PARD3: variants seen among roughly 807,000 people sequenced by gnomAD.
PARD3 encodes par-3 family cell polarity regulator, also known as partitioning defective 3 homolog.
In PARD3, 75 loss-of-function variants were observed where a neutral mutation model predicts 155.4. That is an observed-to-expected ratio of 0.48 (90% confidence interval 0.40 to 0.58). The LOEUF (loss-of-function observed/expected upper bound fraction) is 0.58, where lower values mean the gene tolerates loss of function less well. PARD3 is among the 20% of genes least tolerant of loss of function. The pLI is 0.00. For missense variants in PARD3, 1,642 were observed against 1,721.7 expected, an observed-to-expected ratio of 0.95 and a Z score of 0.82; for synonymous variants, 576 against 610.5, an observed-to-expected ratio of 0.94 and a Z score of 0.83.
At chr10:34,635,942 C>A (rs2092452278) in intron 2 of PARD3, among the ~76,000 whole-genome samples, 1 of 151,896 alleles carries the variant, frequency 6.6e-6, no homozygotes, top group South Asian at 2.1e-4. Context: ...AGAGCCTGGA[C>A]ACCTCCCACC....
At chr10:34,473,970 T>C (rs2133114129) in intron 3 of PARD3, among the ~76,000 whole-genome samples, 1 of 152,318 alleles carries the variant, frequency 6.6e-6, no homozygotes, top group South Asian at 2.1e-4. Flanking sequence ...CAGCTTGCCC[T>C]TGAATTCTTT....
At chr10:34,783,088 A>T (rs960390255) in intron 1 of PARD3, among the ~76,000 whole-genome samples, 5 of 152,162 alleles carry the variant, frequency 3.3e-5, no homozygotes, top group African/African-American at 1.2e-4. Context: ...GTCAAACCTT[A>T]AGATTTAGTT....
At chr10:34,627,185 A>T (rs1454600684) in intron 2 of PARD3, among the ~76,000 whole-genome samples, 1 of 152,092 alleles carries the variant, frequency 6.6e-6, no homozygotes, top group South Asian at 2.1e-4. Context: ...GTGCCACCAC[A>T]ACAAGATAAT....
At chr10:34,731,700 T>C (rs115818363) in intron 1 of PARD3, among the ~76,000 whole-genome samples, 118 of 152,358 alleles carry the variant, frequency 7.7e-4, no homozygotes, top group African/African-American at 2.7e-3. Context: ...TGAATAGCAA[T>C]ATCCAACATT....
chr10:34,348,203 G>A, intron 14 of PARD3, 88 bp from the exon 15 acceptor site: 1 of 1,174,198 alleles, frequency 8.5e-7, no homozygotes. Flanking sequence ...CTTGCCCGAG[G>A]CCTGTATCCA....
intron 2 of PARD3, among the ~76,000 whole-genome samples, chr10:34,629,449 A>T (rs917281680): frequency 1.3e-5 from 2 of 152,252 alleles, no homozygotes; most frequent in Admixed American, 6.5e-5. Flanking sequence ...ATGTGTGTGC[A>T]TGTGCACACA....
chr10:34,305,984 ATTTT>A lies in PARD3; in HGVS notation c.3065+11119_3065+11122del, dbSNP rs563490110. On this transcript the variant is annotated intron_variant, in intron 20 of 24. Transcript: ENST00000374788. ...AGAGCAAGATCCTGTCTCTAAAAAA[ATTTT>A]TTTATTAAAAAAATTCAAAATTAAG... Among the ~76,000 whole-genome samples the A allele has an allele frequency of 2.0e-3, 301 of 152,116 alleles. 2 individuals carry two copies. The highest frequency in any genetic ancestry group is 0.014 in the Admixed American group (216 of 15,284).
intron 2 of PARD3, among the ~76,000 whole-genome samples, chr10:34,667,215 G>A (rs2133214892): frequency 6.6e-6 from 1 of 152,242 alleles, no homozygotes; most frequent in East Asian, 1.9e-4. Flanking sequence ...GAAAATCCAA[G>A]AACAAAATCC....
rs891144868 is a variant in PARD3 at position 34,696,419 on chromosome 10, C to A, written c.121G>T (p.Asp41Tyr). 6.3e-7 allele frequency: 1 copy of A among 1,583,314 alleles called. No individual in the cohort carries two copies. The highest frequency in any genetic ancestry group is 8.7e-7 in the Non-Finnish European group (1 of 1,152,752). The change falls in exon 2 of 25, where the codon GAT becomes TAT. Residue 41 changes from aspartate (D) to tyrosine (Y), a missense_variant and splice_region_variant. This residue lies in a region of PARD3 where 75 missense variants were observed against 65.3 expected (regional missense o/e 1.15). Coordinates refer to ENST00000374788, the MANE Select transcript of PARD3 (RefSeq NM_001184785.2). Reference sequence around the variant, plus strand: ...TGCACCTGTATCCAGTAGTTTGGATCCTATACGAAAGAACAGAAACACTGA... The same window carrying A: ...TGCACCTGTATCCAGTAGTTTGGATACTATACGAAAGAACAGAAACACTGA... Reference protein sequence around the residue: ...VTRYRKAIAKDPNYWIQVHRL... With the variant: ...VTRYRKAIAKYPNYWIQVHRL...
At chr10:34,391,846 C>T (rs146388986) in intron 7 of PARD3, among the ~76,000 whole-genome samples, 6 of 152,224 alleles carry the variant, frequency 3.9e-5, no homozygotes, top group Non-Finnish European at 7.4e-5. Flanking sequence ...AACTCAAAAA[C>T]GCAAAACATT....
intron 20 of PARD3, among the ~76,000 whole-genome samples, chr10:34,307,222 G>A (rs1957461296): frequency 6.6e-6 from 1 of 152,080 alleles, no homozygotes; most frequent in Non-Finnish European, 1.5e-5. Flanking sequence ...ACTCAACACT[G>A]TTTTAGTCTG....
At chr10:34,766,617 CAAAAAAAAAA>C (rs34958448) in intron 1 of PARD3, among the ~76,000 whole-genome samples, 1 of 81,788 alleles carries the variant, frequency 1.2e-5, no homozygotes, top group Non-Finnish European at 2.4e-5. Flanking sequence ...ACTTAATTGA[CAAAAAAAAAA>C]AAAAAAAAAA....
At chr10:34,138,462 G>C (rs1412416508) in intron 22 of PARD3, among the ~76,000 whole-genome samples, 2 of 152,194 alleles carry the variant, frequency 1.3e-5, no homozygotes, top group Non-Finnish European at 2.9e-5. Context: ...GAATGTGAGT[G>C]CTTTCCTGGA....
chr10:34,414,596 A>G (rs1456423312), intron 5 of PARD3, among the ~76,000 whole-genome samples: 1 of 151,696 alleles, frequency 6.6e-6, no homozygotes, highest in East Asian at 2.0e-4. Context: ...TGGGCCAATC[A>G]CTTGAGCCCA....
chr10:34,625,351 T>C (rs761936426), intron 2 of PARD3, among the ~76,000 whole-genome samples: 4 of 152,216 alleles, frequency 2.6e-5, no homozygotes, highest in Admixed American at 2.0e-4. Context: ...GCACCAACTA[T>C]GAACCTGGCA....
intron 2 of PARD3, among the ~76,000 whole-genome samples, chr10:34,666,237 C>A (rs201361022): frequency 2.4e-3 from 2 of 828 alleles, no homozygotes; most frequent in Non-Finnish European, 1.9e-3. Flanking sequence ...AAAGCCAATT[C>A]TCAAAGAAAA....
intron 3 of PARD3, among the ~76,000 whole-genome samples, chr10:34,508,983 G>C (rs1369459787): frequency 3.3e-5 from 5 of 152,294 alleles, no homozygotes; most frequent in Non-Finnish European, 7.4e-5. Context: ...GAGGCGACCA[G>C]TGTAATTACC....
At chr10:34,233,159 C>G (rs1230790756) in intron 22 of PARD3, among the ~76,000 whole-genome samples, 1 of 150,734 alleles carries the variant, frequency 6.6e-6, no homozygotes, top group Non-Finnish European at 1.5e-5. Flanking sequence ...ACTACCCCAT[C>G]AGGCGTGTAG....
chr10:34,736,259 T>C (rs2094911984), intron 1 of PARD3, among the ~76,000 whole-genome samples: 2 of 151,760 alleles, frequency 1.3e-5, no homozygotes. Context: ...CTCAATCTCC[T>C]GACCTCATGA....
Sources: allele counts gnomAD v4.1 joint callset (sites outside exome capture counted in the v4.1 genomes callset), GRCh38; gene constraint gnomAD v4.1.1; regional missense constraint gnomAD v4.1.1; transcripts MANE v1.5; gene names NCBI Gene and HGNC (gene_info 2026-07-23, HGNC 2026-07-21).